Variants in PSMD9 observed in about 807,000 individuals in gnomAD.
PSMD9 encodes proteasome 26S subunit, non-ATPase 9, also known as 26S proteasome non-ATPase regulatory subunit 9.
In PSMD9, 26 loss-of-function variants were observed where a neutral mutation model predicts 25.9. The ratio of observed to expected loss-of-function variants is 1.00; its 90% CI spans 0.73 to 1.39. PSMD9 has a LOEUF of 1.39. Among genes scored for constraint, PSMD9 ranks in the 40% most tolerant of loss-of-function variants. PSMD9 has a pLI of 0.00. For synonymous variants in PSMD9, 110 were observed against 114.5 expected (o/e 0.96, Z 0.25); for missense variants, 303 against 299.3 (o/e 1.01, Z -0.09).
At chr12:121,890,771 C>G (rs752510056) in intron 1 of PSMD9, among the ~76,000 whole-genome samples, 3 of 152,082 alleles carry the variant, frequency 2.0e-5, no homozygotes, top group East Asian at 1.9e-4. Context: ...AGTGCCTTGC[C>G]CATAAATGTA....
chr12:121,915,588 C>T (rs1471124246), intron 4 of PSMD9: 1 of 399,368 alleles, frequency 2.5e-6, no homozygotes, highest in Non-Finnish European at 4.5e-6. Context: ...TGTCATCTTG[C>T]AATTGTGTAC....
chr12:121,911,868 G>T (rs542633554), intron 4 of PSMD9, among the ~76,000 whole-genome samples: 1 of 151,592 alleles, frequency 6.6e-6, no homozygotes, highest in Admixed American at 6.6e-5. Context: ...GACCAGGCTC[G>T]CCTCGAACTC....
chr12:121,889,618 C>T (rs1222930383), intron 1 of PSMD9, among the ~76,000 whole-genome samples: 2 of 152,194 alleles, frequency 1.3e-5, no homozygotes, highest in African/African-American at 4.8e-5. Context: ...GGAGCAGATT[C>T]TGCATTTGTA....
chr12:121,913,134 T>A (rs572892591), intron 4 of PSMD9, among the ~76,000 whole-genome samples: 2 of 151,800 alleles, frequency 1.3e-5, no homozygotes, highest in Non-Finnish European at 2.9e-5. Flanking sequence ...TTAGTAGAGA[T>A]AGGGTTTCAC....
chr12:121,901,351 G>C (rs1054269435), intron 3 of PSMD9, among the ~76,000 whole-genome samples: 18 of 152,012 alleles, frequency 1.2e-4, no homozygotes, highest in African/African-American at 4.3e-4. Flanking sequence ...GCATGGATCA[G>C]TGCTTCATTT....
chr12:121,912,998 A>G (rs577485847), intron 4 of PSMD9, among the ~76,000 whole-genome samples: 107 of 145,460 alleles, frequency 7.4e-4, no homozygotes, highest in Non-Finnish European at 9.3e-4. Context: ...GTGCAGTGGC[A>G]CAATCTCGGC....
chr12:121,909,680 T>A (rs1879660763), intron 4 of PSMD9, among the ~76,000 whole-genome samples: 1 of 152,144 alleles, frequency 6.6e-6, no homozygotes, highest in African/African-American at 2.4e-5. Context: ...TTACTCTGCA[T>A]TTCCGCCCAC....
At chr12:121,905,751 C>CA (rs541368630) in intron 4 of PSMD9, among the ~76,000 whole-genome samples, 1 of 151,778 alleles carries the variant, frequency 6.6e-6, no homozygotes, top group Non-Finnish European at 1.5e-5. Context: ...AGGCTGGTCT[C>CA]AAACTCCTAA....
At chr12:121,904,417 AC>A (rs771598904) in intron 4 of PSMD9, among the ~76,000 whole-genome samples, 1 of 149,794 alleles carries the variant, frequency 6.7e-6, no homozygotes, top group Non-Finnish European at 1.5e-5. Context: ...TACTAAAAAT[AC>A]AAAAAATTAG....
chr12:121,911,243 T>C (rs962761301), intron 4 of PSMD9, among the ~76,000 whole-genome samples: 4 of 152,190 alleles, frequency 2.6e-5, no homozygotes, highest in African/African-American at 9.7e-5. Context: ...TTTTGCCATG[T>C]TGGCCAGGCT....
At chr12:121,910,891 T>C in intron 4 of PSMD9, 1 of 453,638 alleles carries the variant, frequency 2.2e-6, no homozygotes, top group Non-Finnish European at 4.4e-6. Flanking sequence ...CCTCCTAAAC[T>C]GAAACCCAAA....
intron 4 of PSMD9, chr12:121,911,042 G>GTT (rs957703900): frequency 6.6e-6 from 3 of 454,698 alleles, no homozygotes; most frequent in Non-Finnish European, 1.3e-5. Flanking sequence ...TTTTTGTTTT[G>GTT]TTTTGTTTTG....
chr12:121,912,999 C>G (rs941610613), intron 4 of PSMD9, among the ~76,000 whole-genome samples: 1 of 148,776 alleles, frequency 6.7e-6, no homozygotes, highest in African/African-American at 2.5e-5. Flanking sequence ...TGCAGTGGCA[C>G]AATCTCGGCT....
At chr12:121,904,478 G>A (rs1321248073) in intron 4 of PSMD9, among the ~76,000 whole-genome samples, 1 of 150,352 alleles carries the variant, frequency 6.7e-6, no homozygotes, top group Non-Finnish European at 1.5e-5. Flanking sequence ...GGAGACTGAG[G>A]AAGGAGAATC....
Position 121,915,836 on chromosome 12 carries a change from T to C in PSMD9, c.556-20T>C. ...AGTACTAACGAGGCTGAACACGAAA[T>C]GAGCTTATTTTCTTTTCAGAAGCCC... On this transcript the variant is annotated intron_variant, in intron 4 of 5. Transcript: ENST00000541212. The C allele has an allele frequency of 6.2e-7, 1 of 1,600,810 alleles. No homozygotes were observed. The highest frequency in any genetic ancestry group is 8.5e-7 in the Non-Finnish European group (1 of 1,170,920).
intron 4 of PSMD9, among the ~76,000 whole-genome samples, chr12:121,909,986 A>G (rs911073580): frequency 2.0e-5 from 3 of 152,058 alleles, no homozygotes; most frequent in African/African-American, 4.8e-5. Flanking sequence ...CCTTCTCTCA[A>G]GTAGCACCTG....
chr12:121,897,453 G>C (rs976955745), intron 2 of PSMD9: 10 of 152,246 alleles, frequency 6.6e-5, no homozygotes, highest in African/African-American at 2.4e-4. Context: ...TTATATTTTA[G>C]TAGAGACAGG....
chr12:121,913,083 T>C (rs34930953), intron 4 of PSMD9, among the ~76,000 whole-genome samples: 40,789 of 150,954 alleles, frequency 0.27, 6,969 homozygotes, highest in East Asian at 0.63. Flanking sequence ...ACTACAGGCG[T>C]CCACCACCAA....
At chr12:121,895,260 G>T (rs1292669556) in intron 2 of PSMD9, among the ~76,000 whole-genome samples, 5 of 152,096 alleles carry the variant, frequency 3.3e-5, no homozygotes, top group Admixed American at 3.3e-4. Context: ...GGTGAGTCTT[G>T]AACTCCTGGA....
Sources: allele counts gnomAD v4.1 joint callset (sites outside exome capture counted in the v4.1 genomes callset), GRCh38; gene constraint gnomAD v4.1.1; transcripts MANE v1.5; gene names NCBI Gene and HGNC (gene_info 2026-07-23, HGNC 2026-07-21).